The following CDH18 variants were observed in gnomAD, a reference collection of about 807,000 sequenced individuals.
CDH18 encodes the protein cadherin 18.
CDH18 carries 31 observed loss-of-function variants against 67.9 expected under a neutral mutation model. That is an observed-to-expected ratio of 0.46 (90% CI 0.34 to 0.62). CDH18 has a LOEUF of 0.62. CDH18 is among the 20% of genes least tolerant of loss of function. The pLI is 0.01. For synonymous variants in CDH18, 362 were observed against 347.2 expected, an observed-to-expected ratio of 1.04 and a Z score of -0.48; for missense variants, 890 against 975.5, an observed-to-expected ratio of 0.91 and a Z score of 1.17.
At chr5:19,921,329 C>CTA (rs1792437994) in intron 2 of CDH18, among the ~76,000 whole-genome samples, 1 of 151,574 alleles carries the variant, frequency 6.6e-6, no homozygotes, top group Non-Finnish European at 1.5e-5. Context: ...CAGGAGATTG[C>CTA]GACTATCCTG....
chr5:20,168,095 C>T (rs1242335452), intron 2 of CDH18, among the ~76,000 whole-genome samples: 2 of 152,020 alleles, frequency 1.3e-5, no homozygotes, highest in Non-Finnish European at 2.9e-5. Flanking sequence ...TTTTTGTGTT[C>T]CTTTGACTAG....
At chr5:19,939,170 A>G (rs186066089) in intron 2 of CDH18, among the ~76,000 whole-genome samples, 1 of 151,556 alleles carries the variant, frequency 6.6e-6, no homozygotes, top group Non-Finnish European at 1.5e-5. Context: ...AATTTTACCA[A>G]TGAGGATCAA....
intron 2 of CDH18, among the ~76,000 whole-genome samples, chr5:20,183,912 T>C (rs1029793884): frequency 5.3e-5 from 8 of 152,094 alleles, no homozygotes; most frequent in Non-Finnish European, 8.8e-5. Flanking sequence ...TGAATCTTCC[T>C]CAAAATTTAT....
chr5:20,288,173 G>T (rs937249700), intron 1 of CDH18, among the ~76,000 whole-genome samples: 1 of 151,668 alleles, frequency 6.6e-6, no homozygotes, highest in Non-Finnish European at 1.5e-5. Flanking sequence ...AATATAAAAA[G>T]AATTAACTGT....
intron 5 of CDH18, among the ~76,000 whole-genome samples, 186 bp downstream of exon 5, chr5:19,721,159 AGC>A (rs1766038876): frequency 1.3e-5 from 2 of 152,240 alleles, no homozygotes; most frequent in Non-Finnish European, 2.9e-5. Context: ...TAATAGGGAA[AGC>A]ATAATATATG....
chr5:20,545,972 A>C (rs1757319486), intron 1 of CDH18, among the ~76,000 whole-genome samples: 1 of 152,162 alleles, frequency 6.6e-6, no homozygotes, highest in Non-Finnish European at 1.5e-5. Flanking sequence ...CATTTTCAGA[A>C]TCAGCCAGGT....
At chr5:19,932,773 T>C (rs909151557) in intron 2 of CDH18, among the ~76,000 whole-genome samples, 1 of 151,664 alleles carries the variant, frequency 6.6e-6, no homozygotes, top group African/African-American at 2.4e-5. Flanking sequence ...TTAAAAATAT[T>C]CCCTTGCATA....
At chr5:19,723,542 T>C (rs1006719285) in intron 4 of CDH18, among the ~76,000 whole-genome samples, 6 of 152,134 alleles carry the variant, frequency 3.9e-5, no homozygotes, top group African/African-American at 7.2e-5. Context: ...AGATTTCAAA[T>C]TACAGACCAA....
chr5:19,806,266 G>A (rs1778021796), intron 3 of CDH18, among the ~76,000 whole-genome samples: 1 of 152,156 alleles, frequency 6.6e-6, no homozygotes, highest in South Asian at 2.1e-4. Flanking sequence ...TGCGTGTTCA[G>A]CACTGCTGTT....
intron 2 of CDH18, among the ~76,000 whole-genome samples, chr5:19,872,078 T>C (rs1288854642): frequency 6.6e-6 from 1 of 152,212 alleles, no homozygotes; most frequent in African/African-American, 2.4e-5. Flanking sequence ...TACACAATTA[T>C]GTCATCATTT....
At chr5:19,944,392 G>C (rs1795102515) in intron 2 of CDH18, among the ~76,000 whole-genome samples, 1 of 152,144 alleles carries the variant, frequency 6.6e-6, no homozygotes, top group East Asian at 1.9e-4. Context: ...AGTCTCTAAA[G>C]TGTGTATATA....
chr5:20,006,160 G>A (rs989215211), intron 2 of CDH18, among the ~76,000 whole-genome samples: 2 of 151,794 alleles, frequency 1.3e-5, no homozygotes, highest in Admixed American at 1.3e-4. Flanking sequence ...GGCATCAACA[G>A]ATAACAACTT....
chr5:20,216,383 T>C (rs972885519), intron 2 of CDH18, among the ~76,000 whole-genome samples: 6 of 151,902 alleles, frequency 3.9e-5, no homozygotes, highest in Admixed American at 3.3e-4. Context: ...AAAGGAGATA[T>C]GACTGATAAA....
At chr5:20,521,144 T>C (rs1160109225) in intron 1 of CDH18, among the ~76,000 whole-genome samples, 1 of 152,070 alleles carries the variant, frequency 6.6e-6, no homozygotes, top group African/African-American at 2.4e-5. Context: ...AGTTAGAAAA[T>C]GCCAATGATT....
intron 5 of CDH18, among the ~76,000 whole-genome samples, chr5:19,685,690 G>A (rs762246233): frequency 6.6e-6 from 1 of 152,156 alleles, no homozygotes; most frequent in Non-Finnish European, 1.5e-5. Context: ...AGCTCCTTCT[G>A]CCTTGGTTAC....
At chr5:20,502,677 C>G (rs902227832) in intron 1 of CDH18, among the ~76,000 whole-genome samples, 1 of 152,234 alleles carries the variant, frequency 6.6e-6, no homozygotes, top group East Asian at 1.9e-4. Flanking sequence ...ATGATCATGA[C>G]ATTGATCTTA....
chr5:19,678,023 T>C (rs531645904), intron 5 of CDH18, among the ~76,000 whole-genome samples: 2 of 151,796 alleles, frequency 1.3e-5, no homozygotes, highest in African/African-American at 4.8e-5. Flanking sequence ...AAAGACTTAA[T>C]AGTGGAGACT....
chr5:19,900,560 C>T (rs910023428), intron 2 of CDH18, among the ~76,000 whole-genome samples: 3 of 152,048 alleles, frequency 2.0e-5, no homozygotes, highest in Admixed American at 6.6e-5. Context: ...TCTTGCACTT[C>T]ATACATATGT....
intron 5 of CDH18, among the ~76,000 whole-genome samples, chr5:19,697,845 G>A (rs1215825920): frequency 6.6e-6 from 1 of 152,082 alleles, no homozygotes; most frequent in Non-Finnish European, 1.5e-5. Flanking sequence ...ATTCCTCTAA[G>A]TGTTCATAGT....
Sources: gnomAD v4.1 joint callset for allele counts (sites outside exome capture counted in the v4.1 genomes callset) on GRCh38, gnomAD v4.1.1 for gene constraint, MANE v1.5 for transcripts, NCBI Gene and HGNC (gene_info 2026-07-23, HGNC 2026-07-21) for gene names.